The following ARHGEF6 variants were observed in gnomAD, a reference collection of about 807,000 sequenced individuals.
The protein encoded by ARHGEF6 is rho guanine nucleotide exchange factor 6.
Under a neutral mutation model 70.3 loss-of-function variants are expected in ARHGEF6, and 9 were observed. The observed-to-expected ratio is 0.13, with a 90% CI of 0.08 to 0.22. ARHGEF6 has a LOEUF of 0.22. Ranked by LOEUF, ARHGEF6 falls within the 10% of genes least tolerant of loss-of-function variation. ARHGEF6 has a pLI of 1.00. For synonymous variants in ARHGEF6, 201 were observed against 207.8 expected, an observed-to-expected ratio of 0.97 and a Z score of 0.28; for missense variants, 470 against 563.0, an observed-to-expected ratio of 0.83 and a Z score of 1.67.
At chrX:136,731,380 G>A (rs1305689313) in intron 6 of ARHGEF6, among the ~76,000 whole-genome samples, 1 of 111,895 alleles carries the variant, frequency 8.9e-6, no homozygotes, top group African/African-American at 3.2e-5. Flanking sequence ...TGGTGAGGCA[G>A]GGCCGGGGGA....
intron 9 of ARHGEF6, among the ~76,000 whole-genome samples, chrX:136,698,212 C>A (rs2076531554): frequency 9.0e-6 from 1 of 110,513 alleles, no homozygotes; most frequent in South Asian, 3.8e-4. Context: ...AGAGATTATG[C>A]AATATAAAAA....
chrX:136,767,655 G>C, intron 2 of ARHGEF6: 1 of 754,323 alleles, frequency 1.3e-6, no homozygotes. Flanking sequence ...CGACTGCCGG[G>C]GGAGCCAGCC....
intron 2 of ARHGEF6, among the ~76,000 whole-genome samples, chrX:136,752,866 C>A (rs1236303423): frequency 4.5e-5 from 5 of 112,201 alleles, no homozygotes; most frequent in Non-Finnish European, 9.4e-5. Context: ...CTTAGCTCAT[C>A]TTGAATCACA....
intron 9 of ARHGEF6, among the ~76,000 whole-genome samples, chrX:136,701,770 C>T (rs771263497): frequency 1.0e-5 from 1 of 98,028 alleles, no homozygotes; most frequent in East Asian, 3.1e-4. Context: ...TGCAGTGGCG[C>T]CATCTTGGCT....
Position 136,680,896 on chromosome X carries a change from T to C in ARHGEF6, c.1559-20A>G, listed in dbSNP as rs1338326330. On this transcript the variant is annotated intron_variant, in intron 14 of 21. Coordinates refer to ENST00000250617, the MANE Select transcript of ARHGEF6 (RefSeq NM_004840.3). Reference sequence around the variant, plus strand: ...TGTTACCTACATCCCCCAATTATGATCAGTTTGAAAACAAAAGGCAAGGAA... The same window carrying C: ...TGTTACCTACATCCCCCAATTATGACCAGTTTGAAAACAAAAGGCAAGGAA... 8.3e-7 allele frequency: 1 copy of C among 1,210,953 alleles called. No individual in the cohort carries two copies. Among genetic ancestry groups the C allele is most frequent in the Non-Finnish European group, 1.1e-6 (1 of 894,802 alleles).
intron 19 of ARHGEF6, among the ~76,000 whole-genome samples, 178 bp downstream of exon 19, chrX:136,674,829 G>C (rs1286208906): frequency 8.9e-6 from 1 of 111,754 alleles, no homozygotes; most frequent in Non-Finnish European, 1.9e-5. Flanking sequence ...TAAACAAACC[G>C]CTTGGTAGCT....
chrX:136,686,596 A>G (rs965689661), intron 11 of ARHGEF6, among the ~76,000 whole-genome samples: 1,502 of 64,508 alleles, frequency 0.023, 20 homozygotes, highest in Middle Eastern at 0.038. Context: ...ATGTGTGTGT[A>G]TATATATATA....
At chrX:136,729,829 CAA>C (rs1388407684) in intron 6 of ARHGEF6, among the ~76,000 whole-genome samples, 1 of 83,840 alleles carries the variant, frequency 1.2e-5, no homozygotes. Context: ...GACTCCATGT[CAA>C]AAAAAAAAAA....
At chrX:136,671,287 C>T (rs902469689) in intron 20 of ARHGEF6, among the ~76,000 whole-genome samples, 2 of 111,759 alleles carry the variant, frequency 1.8e-5, no homozygotes, top group Admixed American at 9.5e-5. Flanking sequence ...AAGTACTTAA[C>T]CATTTTGCTG....
intron 16 of ARHGEF6, among the ~76,000 whole-genome samples, 176 bp downstream of exon 16, chrX:136,679,359 T>C (rs2076310334): frequency 8.9e-6 from 1 of 112,333 alleles, no homozygotes; most frequent in South Asian, 3.7e-4. Flanking sequence ...TATTTGCAGA[T>C]GGACAATGGG....
chrX:136,739,620 T>C (rs1379558258), intron 5 of ARHGEF6, among the ~76,000 whole-genome samples: 1 of 112,519 alleles, frequency 8.9e-6, no homozygotes, highest in Non-Finnish European at 1.9e-5. Context: ...GTGTATTATG[T>C]TAGACGGGGA....
At chrX:136,732,677 T>C (rs1463094392) in intron 5 of ARHGEF6, among the ~76,000 whole-genome samples, 1 of 112,263 alleles carries the variant, frequency 8.9e-6, no homozygotes, top group Non-Finnish European at 1.9e-5. Context: ...TATTATAAAA[T>C]AGGCTTTGTG....
chrX:136,757,740 T>C (rs918053808), intron 2 of ARHGEF6, among the ~76,000 whole-genome samples: 4 of 112,030 alleles, frequency 3.6e-5, no homozygotes, highest in Non-Finnish European at 5.6e-5. Context: ...CATACACTGC[T>C]AAATGCTGTT....
At chrX:136,742,457 A>G (rs2077054009) in intron 5 of ARHGEF6, among the ~76,000 whole-genome samples, 1 of 112,526 alleles carries the variant, frequency 8.9e-6, no homozygotes, top group Admixed American at 9.4e-5. Flanking sequence ...AGATATTTAC[A>G]AAAGAAATAA....
intron 12 of ARHGEF6, 95 bp downstream of exon 12, chrX:136,685,582 G>T: frequency 4.8e-6 from 5 of 1,038,508 alleles, no homozygotes; most frequent in Non-Finnish European, 6.5e-6. Flanking sequence ...ACTCCAGCCT[G>T]AGTGACAGAA....
intron 6 of ARHGEF6, among the ~76,000 whole-genome samples, chrX:136,714,984 A>C (rs2076722876): frequency 1.8e-5 from 2 of 112,070 alleles, no homozygotes; most frequent in Non-Finnish European, 3.8e-5. Flanking sequence ...GTTGTGATGG[A>C]ATGCCCATAT....
At chrX:136,761,635 C>T (rs775848647) in intron 2 of ARHGEF6, among the ~76,000 whole-genome samples, 11 of 112,444 alleles carry the variant, frequency 9.8e-5, no homozygotes, top group South Asian at 3.7e-4. Flanking sequence ...TATGACATCA[C>T]TATTCATCTA....
chrX:136,773,896 C>T (rs1603357656), intron 2 of ARHGEF6: 2 of 111,403 alleles, frequency 1.8e-5, no homozygotes, highest in South Asian at 3.7e-4. Context: ...CATATAATGC[C>T]CAGGTCAGCA....
chrX:136,696,011 C>T (rs1418574651), intron 9 of ARHGEF6, among the ~76,000 whole-genome samples: 1 of 111,650 alleles, frequency 9.0e-6, no homozygotes, highest in Non-Finnish European at 1.9e-5. Flanking sequence ...CATGGTGACA[C>T]AGTGCTGGGT....
Sources: gnomAD v4.1 joint callset for allele counts (sites outside exome capture counted in the v4.1 genomes callset) on GRCh38, gnomAD v4.1.1 for gene constraint, MANE v1.5 for transcripts, NCBI Gene and HGNC (gene_info 2026-07-23, HGNC 2026-07-21) for gene names.